The following CTBP1 variants were observed in gnomAD, a reference collection of about 807,000 sequenced individuals.
CTBP1 encodes the protein C-terminal-binding protein 1.
A neutral mutation model predicts 42.1 loss-of-function variants in CTBP1; 11 were observed. The observed-to-expected ratio is 0.26, with a 90% confidence interval of 0.16 to 0.43. The LOEUF (loss-of-function observed/expected upper bound fraction) is 0.43. Ranked by LOEUF, CTBP1 falls within the 20% of genes least tolerant of loss-of-function variation. The pLI, the probability that CTBP1 is intolerant of heterozygous loss-of-function variation, is 1.00. For synonymous variants in CTBP1, 324 were observed against 277.1 expected (o/e 1.17, Z -1.68); for missense variants, 399 against 624.3 (o/e 0.64, Z 3.85).
chr4:1,245,082 C>T (rs1160988922), intron 1 of CTBP1: 1 of 983,846 alleles, frequency 1.0e-6, no homozygotes, highest in Non-Finnish European at 1.2e-6. Flanking sequence ...GCCCGTCACC[C>T]ACAGGTTGAA....
At chr4:1,237,465 C>T (rs1293409541) in intron 3 of CTBP1, 6 of 673,374 alleles carry the variant, frequency 8.9e-6, no homozygotes, top group East Asian at 5.7e-5. Context: ...AGTGAAAACC[C>T]GGTGTTCACC....
intron 3 of CTBP1, chr4:1,237,354 A>AC (rs1731640354): frequency 1.8e-6 from 1 of 543,442 alleles, no homozygotes; most frequent in African/African-American, 2.6e-5. Flanking sequence ...GGGCTCAGGG[A>AC]AAACCCCATG....
At chr4:1,242,610 C>A in intron 1 of CTBP1, 2 of 985,470 alleles carry the variant, frequency 2.0e-6, no homozygotes, top group Non-Finnish European at 2.4e-6. Context: ...GCCCCACGCA[C>A]GCACCTCCCA....
intron 6 of CTBP1, chr4:1,215,552 A>G (rs891855085): frequency 2.4e-5 from 6 of 245,946 alleles, no homozygotes; most frequent in Admixed American, 2.1e-4. Flanking sequence ...CCAGCTGCAG[A>G]TGTCAGAGGC....
In CTBP1 at chr4:1,238,082, T is replaced by C; in HGVS notation, c.162+101A>G. The C allele has an allele frequency of 6.7e-7, 1 of 1,490,120 alleles. No homozygotes were observed. Among genetic ancestry groups the C allele is most frequent in the Non-Finnish European group, 9.3e-7 (1 of 1,074,242 alleles). 92.3% of individuals were successfully genotyped at this position (1,490,120 alleles called of 1,614,324 possible). A position where few individuals can be genotyped will look rare whatever the true frequency, so the allele number is the denominator to read the frequency against. On this transcript the variant is annotated intron_variant, in intron 3 of 9. Coordinates refer to ENST00000382952, the MANE Select transcript of CTBP1 (RefSeq NM_001012614.2). The surrounding 1 kb of genome is among the most constrained non-coding windows in gnomAD (Gnocchi z 5.9). ...GGGACAGAGGCTGCTCCTGCCCCAG[T>C]GGCACCCAGACCTGCTGTGGCCCGG...
rs1728814713 is a variant in CTBP1, at chr4:1,213,868, G to A, written c.861-263C>T. ...CCTCGTGGGAGGAGCCCTGATGGGG[G>A]GACATGCTGCCTGGCCCCTTCCAGC... On this transcript the variant is annotated intron_variant, in intron 7 of 9. Coordinates refer to ENST00000382952, the MANE Select transcript of CTBP1 (RefSeq NM_001012614.2). 1.4e-5 allele frequency: 7 copies of A among 492,648 alleles called. No individual in the cohort carries two copies. The East Asian group carries it at 2.5e-4, about 18-fold the overall frequency. The allele number at this position is 492,648 out of a possible 1,614,324, so 30.5% of individuals were successfully genotyped here.
chr4:1,248,008 G>C (rs1386950889), intron 1 of CTBP1, among the ~76,000 whole-genome samples: 1 of 152,254 alleles, frequency 6.6e-6, no homozygotes, highest in Non-Finnish European at 1.5e-5. Flanking sequence ...GAGGCCGCCA[G>C]AGAACGCTCC....
chr4:1,215,943 T>G, intron 6 of CTBP1, 48 bp downstream of exon 6: 3 of 1,551,746 alleles, frequency 1.9e-6, no homozygotes, highest in Non-Finnish European at 2.6e-6. Context: ...CACCCCCACC[T>G]GTACCTGCCC....
At chr4:1,232,789 G>C (rs1292620379) in intron 3 of CTBP1, 2 of 152,196 alleles carry the variant, frequency 1.3e-5, no homozygotes, top group Admixed American at 6.5e-5. Context: ...CGCTTCAGTA[G>C]GCAGCGAGCA....
chr4:1,216,104 G>A lies in CTBP1; in HGVS notation c.616C>T (p.Leu206=), dbSNP rs775480221. The A allele has an allele frequency of 6.2e-7, 1 of 1,611,368 alleles. No homozygotes were observed. The highest frequency in any genetic ancestry group is 8.5e-7 in the Non-Finnish European group (1 of 1,179,884). The part of the protein sequence containing the change: ...LSDGVERALG[L]QRVSTLQDLL... ...TCCTGCAGGGTGCTGACACGCTGCA[G>A]CCCCAGCGCCCGCTCCACGCCATCC... The change falls in exon 6 of 10, where the codon CTG becomes TTG. Residue 206 remains leucine (L), a synonymous_variant. Transcript: ENST00000382952.
chr4:1,246,678 G>A (rs542069284), intron 1 of CTBP1, among the ~76,000 whole-genome samples: 2 of 152,318 alleles, frequency 1.3e-5, no homozygotes, highest in East Asian at 1.9e-4. Flanking sequence ...AGTTGAGAGG[G>A]CAAGTGACAG....
intron 1 of CTBP1, among the ~76,000 whole-genome samples, chr4:1,246,685 ACAGT>A (rs754316567): frequency 1.3e-5 from 2 of 152,206 alleles, no homozygotes; most frequent in Non-Finnish European, 1.5e-5. Flanking sequence ...AGGGCAAGTG[ACAGT>A]CAGAGGAGAA....
At chr4:1,249,753 C>G, upstream of CTBP1, 1 of 349,290 alleles carries the variant, frequency 2.9e-6, no homozygotes. Flanking sequence ...CGCGTCCTGC[C>G]CGGCCCGGGA....
chr4:1,242,481 C>G, intron 1 of CTBP1: 4 of 985,092 alleles, frequency 4.1e-6, no homozygotes, highest in Non-Finnish European at 4.8e-6. Flanking sequence ...GCTGTGAGGC[C>G]GCCCCTGCGC....
intron 5 of CTBP1, among the ~76,000 whole-genome samples, chr4:1,224,044 A>G (rs1730038385): frequency 6.6e-6 from 1 of 152,216 alleles, no homozygotes; most frequent in Non-Finnish European, 1.5e-5. Flanking sequence ...CCACGGAGGA[A>G]GCCCACGGCT....
At chr4:1,243,625 C>A (rs1732416721) in intron 1 of CTBP1, 43 of 985,448 alleles carry the variant, frequency 4.4e-5, no homozygotes, top group Non-Finnish European at 5.1e-5. Flanking sequence ...GAGCCAGTGT[C>A]CGAGTCCTGG....
At chr4:1,239,587 A>G (rs1731944143) in intron 2 of CTBP1, among the ~76,000 whole-genome samples, 1 of 152,170 alleles carries the variant, frequency 6.6e-6, no homozygotes, top group African/African-American at 2.4e-5. Flanking sequence ...GCCTCCTGGA[A>G]CCCATGGCAG....
intron 9 of CTBP1, 117 bp from the exon 10 acceptor site, chr4:1,212,540 G>A: frequency 1.1e-6 from 1 of 936,846 alleles, no homozygotes; most frequent in Non-Finnish European, 1.5e-6. Context: ...AGCAGTCAGG[G>A]TAAGGATCCC....
chr4:1,242,791 C>T, intron 1 of CTBP1: 1 of 985,430 alleles, frequency 1.0e-6, no homozygotes, highest in Non-Finnish European at 1.2e-6. Flanking sequence ...TACCCGGATA[C>T]CACATAAAAA....
Sources: gnomAD v4.1 joint callset for allele counts (sites outside exome capture counted in the v4.1 genomes callset) on GRCh38, gnomAD v4.1.1 for gene constraint, Gnocchi (gnomAD v3.1) non-coding constraint, MANE v1.5 for transcripts, NCBI Gene and HGNC (gene_info 2026-07-23, HGNC 2026-07-21) for gene names.